The following CNIH3 variants were observed in gnomAD, a reference collection of about 807,000 sequenced individuals.
CNIH3 encodes cornichon family AMPA receptor auxiliary protein 3, also known as protein cornichon homolog 3.
CNIH3 carries 14 observed loss-of-function variants against 24.1 expected under a neutral mutation model. The observed-to-expected ratio is 0.58, with a 90% CI of 0.38 to 0.91. The LOEUF (loss-of-function observed/expected upper bound fraction) is 0.91, where lower values mean the gene tolerates loss of function less well. CNIH3 is among the 40% of genes least tolerant of loss of function. CNIH3 has a pLI of 0.00. For synonymous variants in CNIH3, 68 were observed against 73.8 expected (o/e 0.92, Z 0.40); for missense variants, 178 against 196.8 (o/e 0.90, Z 0.57).
intron 3 of CNIH3, among the ~76,000 whole-genome samples, chr1:224,696,564 G>C (rs534172154): frequency 6.6e-6 from 1 of 152,338 alleles, no homozygotes; most frequent in East Asian, 1.9e-4. Context: ...AGAGGAGCAA[G>C]ACGAGGTGTC....
intron 3 of CNIH3, among the ~76,000 whole-genome samples, chr1:224,712,160 A>C (rs991477280): frequency 6.6e-6 from 1 of 152,194 alleles, no homozygotes. Flanking sequence ...GTTAATGACC[A>C]TTTCAGCTGG....
At chr1:224,681,291 C>A (rs1282531724) in intron 2 of CNIH3, among the ~76,000 whole-genome samples, 2 of 152,166 alleles carry the variant, frequency 1.3e-5, no homozygotes, top group Non-Finnish European at 2.9e-5. Context: ...TCCTCAAAGC[C>A]TGGTGCTCTT....
upstream of CNIH3, chr1:224,615,750 A>T (rs1176034813): frequency 6.6e-6 from 1 of 152,262 alleles, no homozygotes; most frequent in Non-Finnish European, 1.5e-5. Context: ...GGGAGGGTAG[A>T]GGATGCAACG....
intron 1 of CNIH3, among the ~76,000 whole-genome samples, chr1:224,491,110 TC>T (rs1242439167): frequency 2.6e-5 from 4 of 152,204 alleles, no homozygotes; most frequent in South Asian, 4.1e-4. Flanking sequence ...CCACAAGTAC[TC>T]AAATATAGAA....
At chr1:224,731,604 G>C (rs1215014757) in intron 4 of CNIH3, among the ~76,000 whole-genome samples, 3 of 152,140 alleles carry the variant, frequency 2.0e-5, no homozygotes, top group African/African-American at 7.2e-5. Context: ...AAAACATACG[G>C]GATACATAGT....
At chr1:224,529,201 G>C (rs1370306283) in intron 2 of CNIH3, 1 of 152,214 alleles carries the variant, frequency 6.6e-6, no homozygotes, top group South Asian at 2.1e-4. Context: ...GTTCAGCTTT[G>C]TTCTTACTTT....
chr1:224,734,282 C>G (rs1689484328), intron 4 of CNIH3, among the ~76,000 whole-genome samples: 1 of 152,200 alleles, frequency 6.6e-6, no homozygotes, highest in Non-Finnish European at 1.5e-5. Flanking sequence ...CCTCAGACTC[C>G]TAGGCAACGC....
chr1:224,543,755 C>CCAGGATGACATTTCTTCTGTCCCT (rs1679601940), intron 2 of CNIH3, among the ~76,000 whole-genome samples: 1 of 152,196 alleles, frequency 6.6e-6, no homozygotes, highest in African/African-American at 2.4e-5. Flanking sequence ...GCACTGCATT[C>CCAGGATGACATTTCTTCTGTCCCT]CAGGATGACA....
At position 224,684,145 on chromosome 1, in the gene CNIH3, G is replaced by A. The variant is rs1686536244; in HGVS notation, c.151-651G>A. Among the ~76,000 whole-genome samples, 1 of 152,198 alleles carries A rather than the reference G, an allele frequency of 6.6e-6. No homozygotes were observed. The highest frequency in any genetic ancestry group is 2.1e-4 in the South Asian group (1 of 4,830). ...TCACTGAAGGAAAAGGGAGGCAACG[G>A]CATTTAGTGCACGATGCGGGCATCA... On this transcript the variant is annotated intron_variant, in intron 2 of 5. Coordinates refer to ENST00000272133, the MANE Select transcript of CNIH3 (RefSeq NM_152495.2). This position sits in a 1 kb window ranked among gnomAD's most constrained non-coding sequence, Gnocchi z 4.2.
rs1015732578 is a variant in CNIH3 at position 224,604,260 on chromosome 1, T to C, written n.402+37996T>C. ...ATTTGCCAATCAGAACAGAAATCTT[T>C]CAATAGTATAGGAATCGCTGCAGTT... On this transcript the variant is annotated intron_variant and non_coding_transcript_variant, in intron 3 of 7. Coordinates refer to the CNIH3 transcript ENST00000478120. The surrounding 1 kb of genome is among the most constrained non-coding windows in gnomAD (Gnocchi z 4.4). Among the ~76,000 whole-genome samples the C allele has an allele frequency of 2.6e-5, 4 of 152,260 alleles. No homozygotes were observed. The highest frequency in any genetic ancestry group is 4.4e-5 in the Non-Finnish European group (3 of 68,046).
At chr1:224,638,993 C>G (rs879452069) in intron 1 of CNIH3, among the ~76,000 whole-genome samples, 2 of 152,202 alleles carry the variant, frequency 1.3e-5, no homozygotes, top group South Asian at 4.1e-4. Context: ...TCCTGTACAT[C>G]CTTAAGGTGA....
chr1:224,521,817 A>G (rs1678644914), intron 2 of CNIH3, among the ~76,000 whole-genome samples: 1 of 152,292 alleles, frequency 6.6e-6, no homozygotes, highest in South Asian at 2.1e-4. Context: ...CAGTTACATG[A>G]CATAATAAAT....
chr1:224,489,699 T>C (rs1362501365), intron 1 of CNIH3, among the ~76,000 whole-genome samples: 1 of 152,202 alleles, frequency 6.6e-6, no homozygotes, highest in Non-Finnish European at 1.5e-5. Flanking sequence ...TCTTAGTCCA[T>C]TTGGGCTGCT....
intron 1 of CNIH3, among the ~76,000 whole-genome samples, chr1:224,474,364 CAAAAA>C (rs34695653): frequency 8.9e-6 from 1 of 111,758 alleles, no homozygotes; most frequent in Non-Finnish European, 1.8e-5. Context: ...AACTTCGCCT[CAAAAA>C]AAAAAAAAAA....
At chr1:224,668,455 C>T (rs1426289519) in intron 1 of CNIH3, among the ~76,000 whole-genome samples, 1 of 152,190 alleles carries the variant, frequency 6.6e-6, no homozygotes, top group South Asian at 2.1e-4. Flanking sequence ...GTATCTCCAG[C>T]TGCTACCACA....
chr1:224,555,418 C>T (rs1212066306), intron 3 of CNIH3, among the ~76,000 whole-genome samples: 3 of 152,124 alleles, frequency 2.0e-5, no homozygotes, highest in African/African-American at 7.2e-5. Flanking sequence ...ATTCTAGGAA[C>T]TCATCCTTTT....
chr1:224,605,770 G>A (rs1431526611), intron 3 of CNIH3, among the ~76,000 whole-genome samples: 4 of 151,652 alleles, frequency 2.6e-5, no homozygotes, highest in Admixed American at 6.6e-5. Flanking sequence ...CCCTATGATC[G>A]CCTCCCCTAC....
At chr1:224,724,532 G>C (rs1257187992) in intron 3 of CNIH3, among the ~76,000 whole-genome samples, 1 of 152,152 alleles carries the variant, frequency 6.6e-6, no homozygotes, top group Non-Finnish European at 1.5e-5. Context: ...ACTTCGTCCG[G>C]GGCATCCCAG....
At chr1:224,721,141 C>T (rs1027121784) in intron 3 of CNIH3, among the ~76,000 whole-genome samples, 2 of 152,174 alleles carry the variant, frequency 1.3e-5, no homozygotes, top group Non-Finnish European at 2.9e-5. Context: ...GCCTGTGCTA[C>T]ACCTGGTCAT....
Sources: gnomAD v4.1 joint callset for allele counts (sites outside exome capture counted in the v4.1 genomes callset) on GRCh38, gnomAD v4.1.1 for gene constraint, Gnocchi (gnomAD v3.1) non-coding constraint, MANE v1.5 for transcripts, NCBI Gene and HGNC (gene_info 2026-07-23, HGNC 2026-07-21) for gene names.